RAB4B: variants seen among roughly 807,000 people sequenced by gnomAD.
The protein encoded by RAB4B is RAB4B, member RAS oncogene family.
Under a neutral mutation model 28.3 loss-of-function variants are expected in RAB4B, and 15 were observed. The observed-to-expected ratio is 0.53, with a 90% CI of 0.35 to 0.82. RAB4B has a LOEUF of 0.82. RAB4B is among the 40% of genes least tolerant of loss of function. The pLI is 0.01. For synonymous variants in RAB4B, 108 were observed against 116.3 expected (o/e 0.93, Z 0.46); for missense variants, 244 against 288.5 (o/e 0.85, Z 1.12).
At chr19:40,779,829 G>T in intron 1 of RAB4B, 190 bp from the exon 2 acceptor site, 1 of 1,348,518 alleles carries the variant, frequency 7.4e-7, no homozygotes, top group Non-Finnish European at 9.7e-7. Context: ...TATATAGAAT[G>T]TGCCTGGCAC....
At chr19:40,786,397 G>A (rs1407747898) in intron 5 of RAB4B, 1 of 432,508 alleles carries the variant, frequency 2.3e-6, no homozygotes, top group Non-Finnish European at 4.3e-6. Flanking sequence ...AGAAGCTGTG[G>A]GAGCCCTAAG....
At chr19:40,790,130 G>A (rs2083143185) in intron 7 of RAB4B, among the ~76,000 whole-genome samples, 1 of 152,184 alleles carries the variant, frequency 6.6e-6, no homozygotes, top group African/African-American at 2.4e-5. Context: ...CTGAACAGAG[G>A]AAGGACAGGA....
rs920720056 is a variant in RAB4B, at chr19:40,783,684, G to A, written c.213-94G>A. On this transcript the variant is annotated intron_variant, in intron 3 of 7. Coordinates refer to ENST00000357052, the MANE Select transcript of RAB4B (RefSeq NM_016154.5). Reference sequence around the variant, plus strand: ...GGGGGATGGGCCAGCAGTGAAGGGGGGGGCCTCCGAACCACCAGTCTGTCT... The same window carrying A: ...GGGGGATGGGCCAGCAGTGAAGGGGAGGGCCTCCGAACCACCAGTCTGTCT... The A allele has an allele frequency of 5.5e-6, 7 of 1,265,180 alleles. No individual in the cohort carries two copies. The African/African-American group carries it at 1.1e-4, about 19-fold the overall frequency. The allele number at this position is 1,265,180 out of a possible 1,614,324, so 78.4% of individuals were successfully genotyped here. A position where few individuals can be genotyped will look rare whatever the true frequency, so the allele number is the denominator to read the frequency against.
chr19:40,779,293 C>G (rs1480588760), intron 1 of RAB4B: 1 of 152,420 alleles, frequency 6.6e-6, no homozygotes, highest in Non-Finnish European at 1.5e-5. Flanking sequence ...AGTCAGTTAA[C>G]CTTTCTGGCC....
rs201807135 is a variant in RAB4B, at chr19:40,784,057, C to T, written c.412C>T (p.Arg138Cys). 131 of 1,612,640 alleles carry T rather than the reference C, an allele frequency of 8.1e-5. No homozygotes were observed. Among genetic ancestry groups the T allele is most frequent in the Non-Finnish European group, 9.9e-5 (117 of 1,179,004 alleles). ...EREVTFLEAS[R>C]FAQENELMFL... ...GGAGGTCACTTTCCTGGAGGCCTCC[C>T]GCTTTGCCCAGGAGAATGGTGAGGG... is the stretch of plus-strand genomic sequence containing the variant. Residue 138 changes from arginine to cysteine, a missense_variant, in exon 5 of 8, where the codon CGC (arginine) becomes TGC (cysteine). By Grantham distance (180) the Arg-to-Cys change is radical. Coordinates refer to ENST00000357052, the MANE Select transcript of RAB4B (RefSeq NM_016154.5).
At chr19:40,784,584 G>A (rs1280800053) in intron 5 of RAB4B, among the ~76,000 whole-genome samples, 1 of 152,124 alleles carries the variant, frequency 6.6e-6, no homozygotes, top group African/African-American at 2.4e-5. Context: ...TCTTCATCTG[G>A]AAAGTGGGAT....
At chr19:40,793,855 C>T (rs2083183439) in intron 7 of RAB4B, among the ~76,000 whole-genome samples, 1 of 151,644 alleles carries the variant, frequency 6.6e-6, no homozygotes, top group South Asian at 2.1e-4. Flanking sequence ...TCCCTGGAAT[C>T]AGAGGTTTTA....
At position 40,790,595 on chromosome 19, in the gene RAB4B, G is replaced by A. The variant is rs993506202; in HGVS notation, c.*15+3617G>A. On this transcript the variant is annotated intron_variant, in intron 7 of 7. Transcript: ENST00000357052. Reference sequence around the variant, plus strand: ...TCACGGTGTTAGCCAGGATGGTCTCGATCTCCTGACCTCGTGATCCTCCTG... The same window carrying A: ...TCACGGTGTTAGCCAGGATGGTCTCAATCTCCTGACCTCGTGATCCTCCTG... 1.1e-4 allele frequency among the ~76,000 whole-genome samples: 16 copies of A among 150,654 alleles called. No individual in the cohort carries two copies. The South Asian group carries it at 2.1e-3, about 20-fold the overall frequency.
intron 1 of RAB4B, 21 bp downstream of exon 1, chr19:40,778,412 T>C: frequency 6.9e-7 from 1 of 1,450,436 alleles, no homozygotes; most frequent in South Asian, 1.4e-5. Flanking sequence ...TGGACGAAGC[T>C]GGGGTCCTGG....
intron 3 of RAB4B, 21 bp downstream of exon 3, chr19:40,780,520 A>G (rs1386580957): frequency 6.3e-7 from 1 of 1,589,564 alleles, no homozygotes; most frequent in Non-Finnish European, 8.6e-7. Flanking sequence ...TGGGCTCCCA[A>G]GGGTGATGGG....
rs965412357 is a variant in RAB4B, at chr19:40,786,683, C to G, written c.449C>G (p.Thr150Ser). Residue 150 changes from threonine (T) to serine (S), a missense_variant, in exon 6 of 8, where the codon ACC becomes AGC. Coordinates refer to ENST00000357052, the MANE Select transcript of RAB4B (RefSeq NM_016154.5). Reference protein sequence around the residue: ...AQENELMFLETSALTGENVEE... With the variant: ...AQENELMFLESSALTGENVEE... ...CCTGCAGAGCTGATGTTCCTGGAGA[C>G]CAGCGCTCTCACAGGCGAGAACGTG... is the stretch of plus-strand genomic sequence containing the variant. 1.2e-6 allele frequency: 2 copies of G among 1,613,958 alleles called. No homozygotes were observed. The highest frequency in any genetic ancestry group is 1.7e-5 in the Admixed American group (1 of 60,000).
Position 40,780,010 on chromosome 19 carries a change from T to A in RAB4B, c.17-9T>A, listed in dbSNP as rs1159007786. ...GTGGGTATCCCTGATTTTGGCTCCATCTGGTCAGACTTCCTCTTCAAATTC... is the reference window on the plus strand; with the variant it reads ...GTGGGTATCCCTGATTTTGGCTCCAACTGGTCAGACTTCCTCTTCAAATTC... On this transcript the variant is annotated splice_polypyrimidine_tract_variant and intron_variant, in intron 1 of 7. Coordinates refer to ENST00000357052, the MANE Select transcript of RAB4B (RefSeq NM_016154.5). 1 of 1,612,408 alleles carries A rather than the reference T, an allele frequency of 6.2e-7. No homozygotes were observed. The highest frequency in any genetic ancestry group is 8.5e-7 in the Non-Finnish European group (1 of 1,178,422).
chr19:40,787,535 CAAA>C (rs1236900250), intron 7 of RAB4B, among the ~76,000 whole-genome samples: 1 of 103,838 alleles, frequency 9.6e-6, no homozygotes, highest in African/African-American at 3.5e-5. Flanking sequence ...GACTTTGTCT[CAAA>C]AAAAAAAAAG....
rs544362364 is a variant in RAB4B at position 40,782,149 on chromosome 19, G to A, written c.213-1629G>A. On this transcript the variant is annotated intron_variant, in intron 3 of 7. Transcript: ENST00000357052. ...TAGTAGCTGCTGAGTTAATTCTTGC[G>A]TATGGATTAACTGCCTGAGGTGCAC... is the stretch of plus-strand genomic sequence containing the variant. Among the ~76,000 whole-genome samples, 249 of 152,224 alleles carry A rather than the reference G, an allele frequency of 1.6e-3. 1 individual carries two copies. The highest frequency in any genetic ancestry group is 5.8e-3 in the African/African-American group (240 of 41,540).
At chr19:40,783,110 G>A (rs1359382316) in intron 3 of RAB4B, among the ~76,000 whole-genome samples, 1 of 128,700 alleles carries the variant, frequency 7.8e-6, no homozygotes, top group Non-Finnish European at 1.5e-5. Context: ...TCATGCCACT[G>A]CACCCCAGCC....
In RAB4B at chr19:40,780,547, G is replaced by A. The variant is rs770339931; in HGVS notation, c.212+48G>A. ...GGTGATGGGGAGAGAGAGTGAGAAGGAAAGAGAGAGATGTGTGTGTAGAGT... is the reference window on the plus strand; with the variant it reads ...GGTGATGGGGAGAGAGAGTGAGAAGAAAAGAGAGAGATGTGTGTGTAGAGT... On this transcript the variant is annotated intron_variant, in intron 3 of 7. Transcript: ENST00000357052. The A allele has an allele frequency of 1.0e-5, 15 of 1,490,642 alleles. No homozygotes were observed. The South Asian group carries it at 1.6e-4, about 16-fold the overall frequency. The allele number at this position is 1,490,642 out of a possible 1,614,324, so 92.3% of individuals were successfully genotyped here.
chr19:40,781,324 A>T (rs566207935), intron 3 of RAB4B, among the ~76,000 whole-genome samples: 1 of 150,468 alleles, frequency 6.6e-6, no homozygotes, highest in Non-Finnish European at 1.5e-5. Context: ...ATAAATAAAT[A>T]AATAAATAAA....
At chr19:40,780,199 A>G (rs558911636) in intron 2 of RAB4B, 100 bp downstream of exon 2, 3 of 1,542,616 alleles carry the variant, frequency 1.9e-6, no homozygotes, top group East Asian at 2.3e-5. Context: ...GGCCATAGGT[A>G]CAAGTCCAGT....
chr19:40,790,322 T>A (rs2083144733), intron 7 of RAB4B, among the ~76,000 whole-genome samples: 1 of 150,402 alleles, frequency 6.6e-6, no homozygotes, highest in African/African-American at 2.4e-5. Context: ...ATGTCCTCCC[T>A]AGACTCTCTG....
Sources: allele counts gnomAD v4.1 joint callset (sites outside exome capture counted in the v4.1 genomes callset), GRCh38; gene constraint gnomAD v4.1.1; transcripts MANE v1.5; gene names NCBI Gene and HGNC (gene_info 2026-07-23, HGNC 2026-07-21).